ENAH: variants seen among roughly 807,000 people sequenced by gnomAD.
ENAH encodes ENAH actin regulator, also known as protein enabled homolog.
A neutral mutation model predicts 78.7 loss-of-function variants in ENAH; 23 were observed. That is an observed-to-expected ratio of 0.29 (90% CI 0.21 to 0.41). The LOEUF is 0.41. ENAH is among the 10% of genes least tolerant of loss of function. The pLI is 1.00. For synonymous variants in ENAH, 226 were observed against 241.0 expected (o/e 0.94, Z 0.58); for missense variants, 544 against 691.0 (o/e 0.79, Z 2.39).
At chr1:225,562,901 A>C (rs1298129104) in intron 2 of ENAH, among the ~76,000 whole-genome samples, 1 of 151,710 alleles carries the variant, frequency 6.6e-6, no homozygotes, top group African/African-American at 2.4e-5. Context: ...TGAGCCCAGG[A>C]GGTCAAGGCT....
chr1:225,559,427 CA>C (rs2096687871), intron 2 of ENAH, among the ~76,000 whole-genome samples: 1 of 152,074 alleles, frequency 6.6e-6, no homozygotes, highest in African/African-American at 2.4e-5. Flanking sequence ...TTGTATTGTT[CA>C]AACCTTCTAT....
intron 1 of ENAH, among the ~76,000 whole-genome samples, chr1:225,568,019 C>T (rs993345368): frequency 5.9e-5 from 9 of 152,194 alleles, no homozygotes; most frequent in African/African-American, 2.2e-4. Context: ...ATTCCTCATT[C>T]GCCTTGGGCA....
rs2096216968 is a variant in ENAH, at chr1:225,490,410, TA to T, written c.*7364del. 6.6e-6 allele frequency: 1 copy of T among 152,008 alleles called. No homozygotes were observed. Among genetic ancestry groups the T allele is most frequent in the Admixed American group, 6.6e-5 (1 of 15,262 alleles). The allele number at this position is 152,008 out of a possible 1,614,324, so 9.4% of individuals were successfully genotyped here. On this transcript the variant is annotated 3_prime_UTR_variant, in exon 14 of 14. Transcript: ENST00000366843. ...CAACATGGTGAAACCCCATCTCTACTAAAAATACAAAAATTAGTCGGGCATG... is the reference window on the plus strand; with the variant it reads ...CAACATGGTGAAACCCCATCTCTACTAAAATACAAAAATTAGTCGGGCATG...
chr1:225,650,881 T>G (rs897667115), intron 1 of ENAH, among the ~76,000 whole-genome samples: 3 of 134,954 alleles, frequency 2.2e-5, no homozygotes, highest in Admixed American at 7.4e-5. Flanking sequence ...AAAAAAAACT[T>G]TCCCTGTTTT....
chr1:225,588,252 T>C (rs988813935), intron 1 of ENAH, among the ~76,000 whole-genome samples: 1 of 152,132 alleles, frequency 6.6e-6, no homozygotes, highest in Non-Finnish European at 1.5e-5. Context: ...GAAAAAAATC[T>C]ACGAAACATA....
chr1:225,517,498 C>T, intron 5 of ENAH, 192 bp from the exon 6 acceptor site: 2 of 1,551,486 alleles, frequency 1.3e-6, no homozygotes, highest in Non-Finnish European at 1.7e-6. Flanking sequence ...GTCAACCAGC[C>T]CATTGGGTGC....
At chr1:225,616,976 G>A (rs1655839219) in intron 1 of ENAH, among the ~76,000 whole-genome samples, 1 of 152,088 alleles carries the variant, frequency 6.6e-6, no homozygotes, top group South Asian at 2.1e-4. Flanking sequence ...GCAGGCACCT[G>A]TAATCCCAGC....
intron 1 of ENAH, among the ~76,000 whole-genome samples, chr1:225,608,295 T>C (rs1434425688): frequency 6.8e-6 from 1 of 146,678 alleles, no homozygotes; most frequent in East Asian, 2.0e-4. Context: ...AAAAACCCCC[T>C]AACAAGGAGT....
chr1:225,505,029 C>G (rs1283729401), intron 11 of ENAH: 2 of 1,612,388 alleles, frequency 1.2e-6, no homozygotes, highest in African/African-American at 1.3e-5. Flanking sequence ...CAAAAACAAT[C>G]TGATTTTTCC....
rs764516146 is a variant in ENAH at position 225,519,547 on chromosome 1, T to C, written c.453A>G (p.Gln151=). The change falls in exon 5 of 14, where the codon CAA becomes CAG. Residue 151 remains glutamine, a synonymous_variant. Transcript: ENST00000366843. ...TTTCCCGCTCCAGCTCCTTTTGCCG[T>C]TGCTGTTCTTGTAGTTGTCTGGAAA... is the stretch of plus-strand genomic sequence containing the variant. ...EIQRRQLQEQ[Q]RQKELERERL... The C allele has an allele frequency of 2.5e-6, 4 of 1,610,938 alleles. No individual in the cohort carries two copies. The African/African-American group carries it at 4.0e-5, about 16-fold the overall frequency.
chr1:225,586,575 A>C (rs2096848216), intron 1 of ENAH, among the ~76,000 whole-genome samples: 1 of 152,182 alleles, frequency 6.6e-6, no homozygotes, highest in African/African-American at 2.4e-5. Context: ...AATACACAAA[A>C]TTTCTTAACA....
chr1:225,622,941 A>T (rs1252324338), intron 1 of ENAH, among the ~76,000 whole-genome samples: 1 of 152,196 alleles, frequency 6.6e-6, no homozygotes, highest in African/African-American at 2.4e-5. Context: ...GGGCACAGGG[A>T]TAAGACATAA....
chr1:225,616,504 T>C (rs1655725486), intron 1 of ENAH, among the ~76,000 whole-genome samples: 1 of 152,114 alleles, frequency 6.6e-6, no homozygotes, highest in Non-Finnish European at 1.5e-5. Flanking sequence ...AAAAGGAACC[T>C]AACTACAACT....
chr1:225,514,806 G>C lies in ENAH; in HGVS notation c.1008C>G (p.Pro336=). The change falls in exon 7 of 14, where the codon CCC becomes CCG. Residue 336 remains proline (P), a synonymous_variant. Transcript: ENST00000366843. ...ASVALPPPPG[P]PPPPPLPSTG... ...TGGATGGGAGTGGAGGAGGTGGAGGGGGCCCTGGGGGAGGAGGGAGGGCTA... is the reference window on the plus strand; with the variant it reads ...TGGATGGGAGTGGAGGAGGTGGAGGCGGCCCTGGGGGAGGAGGGAGGGCTA... 1 of 1,488,332 alleles carries C rather than the reference G, an allele frequency of 6.7e-7. No homozygotes were observed. Among genetic ancestry groups the C allele is most frequent in the Non-Finnish European group, 9.0e-7 (1 of 1,111,412 alleles). 92.2% of individuals were successfully genotyped at this position (1,488,332 alleles called of 1,614,324 possible).
chr1:225,609,865 A>G (rs1018427477), intron 1 of ENAH, among the ~76,000 whole-genome samples: 9 of 151,922 alleles, frequency 5.9e-5, no homozygotes, highest in South Asian at 2.1e-4. Flanking sequence ...GCGTTTTGCT[A>G]TGTTGGCCAG....
At chr1:225,508,069 A>G (rs1269976938) in intron 10 of ENAH, 52 bp from the exon 11 acceptor site, 1 of 1,180,712 alleles carries the variant, frequency 8.5e-7, no homozygotes, top group African/African-American at 1.6e-5. Flanking sequence ...TTCCAGAGTT[A>G]TTATAAAACA....
chr1:225,628,842 G>T (rs898621828), intron 1 of ENAH, among the ~76,000 whole-genome samples: 1 of 150,636 alleles, frequency 6.6e-6, no homozygotes, highest in African/African-American at 2.5e-5. Flanking sequence ...GGAGGCGGAG[G>T]TTGTGGTGAG....
chr1:225,504,602 T>A (rs910091374), intron 11 of ENAH, among the ~76,000 whole-genome samples: 42 of 152,228 alleles, frequency 2.8e-4, no homozygotes, highest in African/African-American at 9.9e-4. Flanking sequence ...ACAGAGATTT[T>A]CCTCAAATAA....
Position 225,514,794 on chromosome 1 carries a change from A to T in ENAH, c.1020T>A (p.Pro340=), listed in dbSNP as rs1372878674. Residue 340 remains proline (P), a synonymous_variant, in exon 7 of 14, where the codon CCT becomes CCA. Transcript: ENST00000366843. ...GTGGAGGCCCGGTGGATGGGAGTGG[A>T]GGAGGTGGAGGGGGCCCTGGGGGAG... The part of the protein sequence containing the change: ...LPPPPGPPPP[P]PLPSTGPPPP... 2.2e-6 allele frequency: 2 copies of T among 900,132 alleles called. No individual in the cohort carries two copies. The highest frequency in any genetic ancestry group is 2.7e-6 in the Non-Finnish European group (2 of 746,574). 55.8% of individuals were successfully genotyped at this position (900,132 alleles called of 1,614,324 possible).
Sources: allele counts gnomAD v4.1 joint callset (sites outside exome capture counted in the v4.1 genomes callset), GRCh38; gene constraint gnomAD v4.1.1; transcripts MANE v1.5; gene names NCBI Gene and HGNC (gene_info 2026-07-23, HGNC 2026-07-21).